Variants in ZNF804A observed in about 807,000 individuals in gnomAD.
The protein encoded by ZNF804A is zinc finger protein 804A.
ZNF804A carries 2 observed loss-of-function variants against 16.5 expected under a neutral mutation model. That is an observed-to-expected ratio of 0.12 (90% CI 0.05 to 0.38). The LOEUF (loss-of-function observed/expected upper bound fraction) is 0.38, where lower values mean the gene tolerates loss of function less well. Among genes scored for constraint, ZNF804A ranks in the 10% least tolerant of loss-of-function variants. The probability of loss-of-function intolerance (pLI) is 0.99; values close to 1 mark genes in which losing one functional copy is unlikely to be tolerated. For missense variants in ZNF804A, 1,473 were observed against 1,390.7 expected (o/e 1.06, Z -0.94); for synonymous variants, 534 against 489.6 (o/e 1.09, Z -1.20).
chr2:184,860,686 G>A (rs765667030), intron 1 of ZNF804A, among the ~76,000 whole-genome samples: 3 of 152,202 alleles, frequency 2.0e-5, no homozygotes, highest in Non-Finnish European at 4.4e-5. Context: ...CCTGTAGGTG[G>A]GTACCAGCCT....
chr2:184,856,153 T>G (rs574607563), intron 1 of ZNF804A, among the ~76,000 whole-genome samples: 1 of 151,998 alleles, frequency 6.6e-6, no homozygotes, highest in Non-Finnish European at 1.5e-5. Context: ...TAGAGCAGCA[T>G]GTATTGTAAG....
At chr2:184,738,294 G>A (rs1693663356) in intron 1 of ZNF804A, among the ~76,000 whole-genome samples, 2 of 151,982 alleles carry the variant, frequency 1.3e-5, no homozygotes, top group African/African-American at 4.8e-5. Flanking sequence ...AAAAAGGACA[G>A]TACATGTGTA....
In ZNF804A at chr2:184,936,323, T is replaced by A. The variant is rs368478931; in HGVS notation, c.927T>A (p.Pro309=). Residue 309 remains proline (P), a synonymous_variant, in exon 4 of 4, where the codon CCT becomes CCA. Coordinates refer to ENST00000302277, the MANE Select transcript of ZNF804A (RefSeq NM_194250.2). ...GTGAAAAAGATGCATTATTATTACC[T>A]TCATTTTGCAAGTTTCAACTTCAGT... ...VSSEKDALLL[P]SFCKFQLQLS... is the part of the protein sequence containing the mutation. 1.2e-6 allele frequency: 2 copies of A among 1,613,678 alleles called. No individual in the cohort carries two copies. The highest frequency in any genetic ancestry group is 2.2e-5 in the South Asian group (2 of 91,072).
At chr2:184,783,817 T>C (rs1694407987) in intron 1 of ZNF804A, among the ~76,000 whole-genome samples, 1 of 151,976 alleles carries the variant, frequency 6.6e-6, no homozygotes, top group African/African-American at 2.4e-5. Context: ...ATCACTATTG[T>C]TCCTCCTTTG....
At chr2:184,834,376 T>C (rs1695309846) in intron 1 of ZNF804A, among the ~76,000 whole-genome samples, 1 of 152,088 alleles carries the variant, frequency 6.6e-6, no homozygotes, top group East Asian at 1.9e-4. Flanking sequence ...TTCTATGCCC[T>C]TAGCCCTAGA....
chr2:184,853,963 C>T (rs552716033), intron 1 of ZNF804A, among the ~76,000 whole-genome samples: 2 of 150,356 alleles, frequency 1.3e-5, no homozygotes, highest in Non-Finnish European at 3.0e-5. Context: ...TCTTCTTCAA[C>T]TTTTTGGGAG....
chr2:184,688,956 A>G (rs1345742253), intron 1 of ZNF804A, among the ~76,000 whole-genome samples: 1 of 152,162 alleles, frequency 6.6e-6, no homozygotes, highest in African/African-American at 2.4e-5. Flanking sequence ...ATACCTAATA[A>G]CCAACATGTT....
chr2:184,624,956 C>A (rs1396382537), intron 1 of ZNF804A, among the ~76,000 whole-genome samples: 1 of 152,068 alleles, frequency 6.6e-6, no homozygotes, highest in African/African-American at 2.4e-5. Flanking sequence ...TTACTTACAG[C>A]AGTAAGTGAT....
intron 1 of ZNF804A, among the ~76,000 whole-genome samples, chr2:184,727,985 T>C (rs899514524): frequency 6.6e-6 from 1 of 151,658 alleles, no homozygotes; most frequent in Non-Finnish European, 1.5e-5. Context: ...AAAAATAGCA[T>C]TGGGTGGTTA....
chr2:184,650,019 T>G (rs901203701), intron 1 of ZNF804A, among the ~76,000 whole-genome samples: 1 of 151,970 alleles, frequency 6.6e-6, no homozygotes, highest in Non-Finnish European at 1.5e-5. Context: ...AAAAGAAAAC[T>G]GTAGGCCATT....
intron 1 of ZNF804A, among the ~76,000 whole-genome samples, chr2:184,622,398 G>A (rs1211560335): frequency 1.3e-5 from 2 of 151,424 alleles, no homozygotes; most frequent in Non-Finnish European, 3.0e-5. Context: ...ACTTAACAAT[G>A]TTCTGATCAC....
At chr2:184,759,608 T>C (rs953507023) in intron 1 of ZNF804A, among the ~76,000 whole-genome samples, 2 of 152,112 alleles carry the variant, frequency 1.3e-5, no homozygotes, top group South Asian at 4.1e-4. Flanking sequence ...CAATTGATTT[T>C]TTTAACTTTA....
chr2:184,693,929 C>CTTTTT (rs34131171), intron 1 of ZNF804A, among the ~76,000 whole-genome samples: 33 of 121,214 alleles, frequency 2.7e-4, no homozygotes, highest in African/African-American at 9.3e-4. Flanking sequence ...CTAACTTAGT[C>CTTTTT]TTTTTTTTTT....
intron 1 of ZNF804A, among the ~76,000 whole-genome samples, chr2:184,750,192 T>G (rs1693858560): frequency 6.6e-6 from 1 of 151,454 alleles, no homozygotes; most frequent in East Asian, 1.9e-4. Flanking sequence ...TTAATTTCTT[T>G]AAGGATTCTA....
chr2:184,760,854 G>A (rs1365125250), intron 1 of ZNF804A, among the ~76,000 whole-genome samples: 2 of 152,040 alleles, frequency 1.3e-5, no homozygotes, highest in Non-Finnish European at 2.9e-5. Flanking sequence ...CAAACTCCAA[G>A]ACCTCATAAA....
rs746910117 is a variant in ZNF804A at position 184,936,014 on chromosome 2, G to T, written c.618G>T (p.Gly206=). Residue 206 remains glycine (G), a synonymous_variant, in exon 4 of 4, where the codon GGG becomes GGT. Transcript: ENST00000302277. Reference sequence around the variant, plus strand: ...ACCAAGTTGGGGATCAAGCCCAGGGGATTCACAGACACAAAATCGGCTTTT... The same window carrying T: ...ACCAAGTTGGGGATCAAGCCCAGGGTATTCACAGACACAAAATCGGCTTTT... ...KNNQVGDQAQ[G]IHRHKIGFSF... 1 of 1,614,012 alleles carries T rather than the reference G, an allele frequency of 6.2e-7. No individual in the cohort carries two copies. Among genetic ancestry groups the T allele is most frequent in the South Asian group, 1.1e-5 (1 of 91,076 alleles).
intron 1 of ZNF804A, among the ~76,000 whole-genome samples, chr2:184,653,044 C>T (rs1692014769): frequency 6.6e-6 from 1 of 152,132 alleles, no homozygotes; most frequent in South Asian, 2.1e-4. Context: ...TCAATTAAAC[C>T]TCTTTCCTTT....
rs181564485 is a variant in ZNF804A, at chr2:184,873,900, G to A, written c.255+7388G>A. 6.0e-3 allele frequency among the ~76,000 whole-genome samples: 913 copies of A among 151,994 alleles called. 9 individuals carry two copies. The highest frequency in any genetic ancestry group is 0.059 in the Middle Eastern group (17 of 290). Reference sequence around the variant, plus strand: ...AAAGTATGATTGATTTAGCAACTCAGGAAAATAATCTTGTAAATTTATATA... The same window carrying A: ...AAAGTATGATTGATTTAGCAACTCAAGAAAATAATCTTGTAAATTTATATA... On this transcript the variant is annotated intron_variant, in intron 2 of 3. Transcript: ENST00000302277.
At chr2:184,851,737 T>A (rs1282319461) in intron 1 of ZNF804A, among the ~76,000 whole-genome samples, 5 of 151,332 alleles carry the variant, frequency 3.3e-5, no homozygotes, top group African/African-American at 1.2e-4. Context: ...GGTAGTTCTA[T>A]TTTTTAATGT....
Sources: allele counts gnomAD v4.1 joint callset (sites outside exome capture counted in the v4.1 genomes callset), GRCh38; gene constraint gnomAD v4.1.1; transcripts MANE v1.5; gene names NCBI Gene and HGNC (gene_info 2026-07-23, HGNC 2026-07-21).